The following PRKN variants were observed in gnomAD, a reference collection of about 807,000 sequenced individuals.
PRKN encodes parkin RBR E3 ubiquitin protein ligase, also known as E3 ubiquitin-protein ligase parkin.
PRKN carries 56 observed loss-of-function variants against 59.5 expected under a neutral mutation model. That is an observed-to-expected ratio of 0.94 (90% CI 0.76 to 1.18). PRKN has a LOEUF of 1.18. Ranked by LOEUF, PRKN falls within the 50% of genes most tolerant of loss-of-function variation. The pLI, the probability that PRKN is intolerant of heterozygous loss-of-function variation, is 0.00. For synonymous variants in PRKN, 250 were observed against 222.1 expected (o/e 1.13, Z -1.12); for missense variants, 657 against 596.4 (o/e 1.10, Z -1.06).
intron 3 of PRKN, among the ~76,000 whole-genome samples, chr6:162,257,908 A>C (rs1779714468): frequency 6.6e-6 from 1 of 152,048 alleles, no homozygotes; most frequent in Admixed American, 6.6e-5. Flanking sequence ...AACAGGGTCA[A>C]ATCCTGGGCC....
rs578229528 is a variant in PRKN at position 161,919,870 on chromosome 6, C to T, written c.734+53432G>A. Among the ~76,000 whole-genome samples the T allele has an allele frequency of 1.3e-3, 195 of 152,306 alleles. 1 individual carries two copies. In the Middle Eastern group the frequency reaches 0.014, roughly 11 times the overall value. ...AAAGTTGAAAAATCACATTCCTATC[C>T]TCCTTAGGACAGATAGTAAGCATAC... On this transcript the variant is annotated intron_variant, in intron 6 of 11. Coordinates refer to ENST00000366898, the MANE Select transcript of PRKN (RefSeq NM_004562.3).
chr6:162,113,358 T>A (rs1258209707), intron 4 of PRKN, among the ~76,000 whole-genome samples: 2 of 152,216 alleles, frequency 1.3e-5, no homozygotes, highest in Non-Finnish European at 2.9e-5. Flanking sequence ...CATTAGAAGG[T>A]AATGTCTCCT....
chr6:162,506,029 A>G (rs1311635963), intron 1 of PRKN, among the ~76,000 whole-genome samples: 1 of 152,152 alleles, frequency 6.6e-6, no homozygotes, highest in African/African-American at 2.4e-5. Context: ...CTGAGGTCTC[A>G]GTTTTCTAGG....
intron 2 of PRKN, among the ~76,000 whole-genome samples, chr6:162,441,402 C>G (rs1035345043): frequency 4.6e-5 from 7 of 152,116 alleles, no homozygotes; most frequent in Non-Finnish European, 1.5e-5. Context: ...TGCTCATTCC[C>G]CTATTCCTCC....
chr6:161,833,731 A>C (rs73601091), intron 6 of PRKN, among the ~76,000 whole-genome samples: 4,028 of 152,192 alleles, frequency 0.026, 172 homozygotes, highest in African/African-American at 0.092. Flanking sequence ...ATGGATAAGT[A>C]AGTTGTTGTG....
chr6:162,690,404 C>T (rs1350212541), intron 1 of PRKN, among the ~76,000 whole-genome samples: 1 of 152,212 alleles, frequency 6.6e-6, no homozygotes, highest in Non-Finnish European at 1.5e-5. Flanking sequence ...TCCTTGTTTA[C>T]TGCTCGCTTC....
intron 9 of PRKN, among the ~76,000 whole-genome samples, chr6:161,537,600 C>T (rs1402601943): frequency 9.9e-5 from 15 of 152,090 alleles, no homozygotes; most frequent in Admixed American, 9.2e-4. Flanking sequence ...TACAGGCACC[C>T]GCCACCATGC....
chr6:162,054,586 G>A (rs1777782554), intron 4 of PRKN, among the ~76,000 whole-genome samples: 2 of 152,114 alleles, frequency 1.3e-5, no homozygotes, highest in South Asian at 2.1e-4. Flanking sequence ...ACAGAGCAAG[G>A]GCTGTCTGTC....
rs1781329104 is a variant in PRKN, at chr6:161,581,256, C to T, written c.872-11840G>A. On this transcript the variant is annotated intron_variant, in intron 7 of 11. Coordinates refer to ENST00000366898, the MANE Select transcript of PRKN (RefSeq NM_004562.3). The surrounding 1 kb of genome is among the most constrained non-coding windows in gnomAD (Gnocchi z 4.5). ...TATGTATCAATTTTTATTTTAAGAACTTTCATAGGCATGAGTAAAGCTACT... is the reference window on the plus strand; with the variant it reads ...TATGTATCAATTTTTATTTTAAGAATTTTCATAGGCATGAGTAAAGCTACT... 6.6e-6 allele frequency among the ~76,000 whole-genome samples: 1 copy of T among 151,584 alleles called. No individual in the cohort carries two copies. The highest frequency in any genetic ancestry group is 1.5e-5 in the Non-Finnish European group (1 of 67,938).
At chr6:161,781,796 G>A (rs1318249583) in intron 7 of PRKN, among the ~76,000 whole-genome samples, 1 of 152,092 alleles carries the variant, frequency 6.6e-6, no homozygotes, top group Non-Finnish European at 1.5e-5. Flanking sequence ...AACACCAAAG[G>A]ATCCTAAACA....
intron 6 of PRKN, among the ~76,000 whole-genome samples, chr6:161,963,673 TAACTC>T (rs1277878612): frequency 5.9e-5 from 9 of 152,266 alleles, no homozygotes; most frequent in African/African-American, 2.2e-4. Flanking sequence ...GTTAAATAAT[TAACTC>T]AATTAGTCTA....
rs1777859202 is a variant in PRKN at position 162,056,224 on chromosome 6, C to T, written c.535-2050G>A. On this transcript the variant is annotated intron_variant, in intron 4 of 11. Transcript: ENST00000366898. This position sits in a 1 kb window ranked among gnomAD's most constrained non-coding sequence, Gnocchi z 4.9. ...ACATGTGCACATGTATCCCTCACAC[C>T]CCACACGCCTAACACACCCCACACA... Among the ~76,000 whole-genome samples the T allele has an allele frequency of 6.6e-6, 1 of 150,712 alleles. No homozygotes were observed. The highest frequency in any genetic ancestry group is 6.6e-5 in the Admixed American group (1 of 15,094).
intron 3 of PRKN, among the ~76,000 whole-genome samples, chr6:162,216,076 C>A (rs1777638281): frequency 6.6e-6 from 1 of 152,090 alleles, no homozygotes; most frequent in East Asian, 1.9e-4. Flanking sequence ...TGAACTTAAA[C>A]CCTTCTGGAC....
intron 2 of PRKN, among the ~76,000 whole-genome samples, chr6:162,420,515 G>C (rs1788906887): frequency 6.6e-6 from 1 of 152,182 alleles, no homozygotes; most frequent in African/African-American, 2.4e-5. Context: ...GAGTCAGGGA[G>C]ATTTCAGGGG....
Position 161,473,640 on chromosome 6 carries a change from A to T in PRKN, c.1083+75214T>A, listed in dbSNP as rs887654546. On this transcript the variant is annotated intron_variant, in intron 9 of 11. Coordinates refer to ENST00000366898, the MANE Select transcript of PRKN (RefSeq NM_004562.3). The surrounding 1 kb of genome is among the most constrained non-coding windows in gnomAD (Gnocchi z 4.1). ...GCATACAAAGTTACAGGTAGGACAA[A>T]TATTCTAGAAATGTACTAGAGGACT... is the stretch of plus-strand genomic sequence containing the variant. Among the ~76,000 whole-genome samples the T allele has an allele frequency of 1.3e-5, 2 of 151,470 alleles. No individual in the cohort carries two copies. Among genetic ancestry groups the T allele is most frequent in the Non-Finnish European group, 2.9e-5 (2 of 67,966 alleles).
chr6:162,584,829 TG>T (rs1236852909), intron 1 of PRKN, among the ~76,000 whole-genome samples: 12 of 5,272 alleles, frequency 2.3e-3, no homozygotes, highest in Non-Finnish European at 2.9e-3. Flanking sequence ...TCCCCTCCCC[TG>T]TCCCATCCCC....
chr6:161,910,757 A>C (rs2128236958), intron 6 of PRKN, among the ~76,000 whole-genome samples: 1 of 152,296 alleles, frequency 6.6e-6, no homozygotes, highest in Non-Finnish European at 1.5e-5. Flanking sequence ...TATTTTAACA[A>C]GTTTCCACAG....
chr6:162,222,245 AT>A (rs1430867178), intron 3 of PRKN, among the ~76,000 whole-genome samples: 1 of 152,130 alleles, frequency 6.6e-6, no homozygotes, highest in Non-Finnish European at 1.5e-5. Flanking sequence ...GTTATATTAA[AT>A]ACCAAAGATA....
At chr6:162,113,839 T>C (rs1467053358) in intron 4 of PRKN, among the ~76,000 whole-genome samples, 1 of 152,194 alleles carries the variant, frequency 6.6e-6, no homozygotes, top group Non-Finnish European at 1.5e-5. Context: ...AGGGTTTTTA[T>C]GGTTTTAGGT....
Sources: allele counts gnomAD v4.1 joint callset (sites outside exome capture counted in the v4.1 genomes callset), GRCh38; gene constraint gnomAD v4.1.1; non-coding constraint Gnocchi (gnomAD v3.1); transcripts MANE v1.5; gene names NCBI Gene and HGNC (gene_info 2026-07-23, HGNC 2026-07-21).